The following RGS17 variants were observed in gnomAD, a reference collection of about 807,000 sequenced individuals.
RGS17 encodes the protein regulator of G protein signaling 17.
In RGS17, 12 loss-of-function variants were observed where a neutral mutation model predicts 25.5. That is an observed-to-expected ratio of 0.47 (90% CI 0.30 to 0.76). The LOEUF (loss-of-function observed/expected upper bound fraction) is 0.76. Among genes scored for constraint, RGS17 ranks in the 30% least tolerant of loss-of-function variants. The pLI is 0.07. For synonymous variants in RGS17, 71 were observed against 76.9 expected, an observed-to-expected ratio of 0.92 and a Z score of 0.40; for missense variants, 196 against 242.2, an observed-to-expected ratio of 0.81 and a Z score of 1.27.
chr6:153,124,822 T>A (rs1369012655), intron 1 of RGS17, among the ~76,000 whole-genome samples: 1 of 152,196 alleles, frequency 6.6e-6, no homozygotes, highest in African/African-American at 2.4e-5. Context: ...TTGTTGAGTT[T>A]GATTAATCAA....
intron 4 of RGS17, among the ~76,000 whole-genome samples, chr6:153,021,741 A>T (rs1779250071): frequency 6.6e-6 from 1 of 152,178 alleles, no homozygotes; most frequent in South Asian, 2.1e-4. Flanking sequence ...TATTTTGAGG[A>T]TATTAAAGAA....
At chr6:153,074,759 A>G (rs12215307) in intron 1 of RGS17, among the ~76,000 whole-genome samples, 12,076 of 152,250 alleles carry the variant, frequency 0.079, 534 homozygotes, top group African/African-American at 0.1. Context: ...ATATTTTAAA[A>G]AGGATTTTTT....
intron 1 of RGS17, among the ~76,000 whole-genome samples, chr6:153,103,626 C>A (rs2129123884): frequency 6.6e-6 from 1 of 152,190 alleles, no homozygotes; most frequent in African/African-American, 2.4e-5. Flanking sequence ...TAGAGAGACC[C>A]CGAAAAACCA....
intron 2 of RGS17, among the ~76,000 whole-genome samples, chr6:153,034,201 G>A (rs1368535323): frequency 6.6e-6 from 1 of 152,018 alleles, no homozygotes; most frequent in Non-Finnish European, 1.5e-5. Context: ...ATGAATGTGC[G>A]GGGCTTCCTT....
chr6:153,089,819 A>G (rs979433413), intron 1 of RGS17, among the ~76,000 whole-genome samples: 1 of 152,190 alleles, frequency 6.6e-6, no homozygotes, highest in Non-Finnish European at 1.5e-5. Flanking sequence ...ATATAATTTT[A>G]AAAATTATTT....
intron 1 of RGS17, among the ~76,000 whole-genome samples, chr6:153,057,069 C>T (rs6935771): frequency 0.38 from 58,270 of 151,732 alleles, 11,875 homozygotes; most frequent in East Asian, 0.62. Flanking sequence ...TGCTCCTCAT[C>T]CTTTCCCAAA....
intron 1 of RGS17, among the ~76,000 whole-genome samples, chr6:153,088,016 T>C (rs1271025481): frequency 6.6e-6 from 1 of 152,266 alleles, no homozygotes; most frequent in Non-Finnish European, 1.5e-5. Context: ...GCTTCTGTTT[T>C]GGGCTCCCTC....
At chr6:153,035,258 TA>T (rs1776224790) in intron 2 of RGS17, among the ~76,000 whole-genome samples, 1 of 152,158 alleles carries the variant, frequency 6.6e-6, no homozygotes, top group Non-Finnish European at 1.5e-5. Flanking sequence ...CATTAATATG[TA>T]ACATATTAAT....
intron 1 of RGS17, among the ~76,000 whole-genome samples, chr6:153,054,098 A>ATATATGTGTG (rs1186222896): frequency 1.1e-5 from 1 of 88,760 alleles, no homozygotes; most frequent in African/African-American, 4.8e-5. Flanking sequence ...TTTTTTATAT[A>ATATATGTGTG]TATATATATA....
chr6:153,084,217 C>T (rs1777022129), intron 1 of RGS17, among the ~76,000 whole-genome samples: 1 of 152,150 alleles, frequency 6.6e-6, no homozygotes, highest in South Asian at 2.1e-4. Flanking sequence ...ACAGAAGTAG[C>T]AGTGGTGTTT....
chr6:153,093,888 T>C (rs1777168216), intron 1 of RGS17, among the ~76,000 whole-genome samples: 1 of 152,140 alleles, frequency 6.6e-6, no homozygotes, highest in Non-Finnish European at 1.5e-5. Flanking sequence ...TAAATTTACT[T>C]AGCCTTAGTT....
chr6:153,050,164 T>C (rs1374306818), intron 1 of RGS17, among the ~76,000 whole-genome samples: 1 of 152,174 alleles, frequency 6.6e-6, no homozygotes, highest in Non-Finnish European at 1.5e-5. Context: ...CAAAAATAGA[T>C]GTTACAAATT....
chr6:153,023,613 A>G (rs1762104924), intron 4 of RGS17, among the ~76,000 whole-genome samples: 1 of 152,262 alleles, frequency 6.6e-6, no homozygotes, highest in Admixed American at 6.5e-5. Flanking sequence ...TGGGAAAGAC[A>G]CTTGCACTTT....
rs571918328 is a variant in RGS17 at position 153,009,329 on chromosome 6, G to C, written c.*2245C>G. Reference sequence around the variant, plus strand: ...ATTTTCTAGTCATGTGCACCAATTTGTTGAGCCTCACACACAGAAACAAAT... The same window carrying C: ...ATTTTCTAGTCATGTGCACCAATTTCTTGAGCCTCACACACAGAAACAAAT... On this transcript the variant is annotated 3_prime_UTR_variant, in exon 5 of 5. Transcript: ENST00000206262. 6.6e-6 allele frequency: 1 copy of C among 152,084 alleles called. No homozygotes were observed. Among genetic ancestry groups the C allele is most frequent in the South Asian group, 2.1e-4 (1 of 4,824 alleles). 9.4% of individuals were successfully genotyped at this position (152,084 alleles called of 1,614,324 possible).
intron 1 of RGS17, among the ~76,000 whole-genome samples, chr6:153,112,453 T>C (rs1255648691): frequency 6.6e-6 from 1 of 152,166 alleles, no homozygotes; most frequent in Non-Finnish European, 1.5e-5. Context: ...TTGATTGGTG[T>C]ACCTGAAAGT....
At chr6:153,017,395 T>C (rs967538970) in intron 4 of RGS17, among the ~76,000 whole-genome samples, 5 of 151,992 alleles carry the variant, frequency 3.3e-5, no homozygotes, top group African/African-American at 1.2e-4. Flanking sequence ...AACAAAAGTA[T>C]GGAGGTAAAG....
chr6:153,118,508 T>G (rs1317782260), intron 1 of RGS17, among the ~76,000 whole-genome samples: 2 of 152,240 alleles, frequency 1.3e-5, no homozygotes, highest in African/African-American at 4.8e-5. Context: ...TAGGTAATCT[T>G]TCCTGTTATC....
chr6:153,125,481 T>C (rs1217061902), intron 1 of RGS17, among the ~76,000 whole-genome samples: 1 of 152,222 alleles, frequency 6.6e-6, no homozygotes, highest in East Asian at 1.9e-4. Flanking sequence ...CATAGGTCAT[T>C]GCTTCTCCTA....
intron 4 of RGS17, among the ~76,000 whole-genome samples, chr6:153,015,716 C>G (rs541729592): frequency 4.0e-5 from 6 of 151,410 alleles, no homozygotes; most frequent in South Asian, 2.1e-4. Context: ...TGCAGTGGCG[C>G]GATCTCGGCT....
Sources: gnomAD v4.1 joint callset for allele counts (sites outside exome capture counted in the v4.1 genomes callset) on GRCh38, gnomAD v4.1.1 for gene constraint, MANE v1.5 for transcripts, NCBI Gene and HGNC (gene_info 2026-07-23, HGNC 2026-07-21) for gene names.